DIAPH3: variants seen among roughly 807,000 people sequenced by gnomAD.
DIAPH3 encodes diaphanous related formin 3, also known as protein diaphanous homolog 3.
In DIAPH3, 117 loss-of-function variants were observed where a neutral mutation model predicts 144.3. The observed-to-expected ratio is 0.81, with a 90% CI of 0.70 to 0.95. The LOEUF is 0.95. DIAPH3 is among the 40% of genes least tolerant of loss of function. The pLI, the probability that DIAPH3 is intolerant of heterozygous loss-of-function variation, is 0.00. For missense variants in DIAPH3, 1,421 were observed against 1,412.7 expected (o/e 1.01, Z -0.09); for synonymous variants, 519 against 488.9 (o/e 1.06, Z -0.81).
Position 59,885,250 on chromosome 13 carries a change from T to C in DIAPH3, c.2368-5782A>G, listed in dbSNP as rs542383711. Among the ~76,000 whole-genome samples, 208 of 152,182 alleles carry C rather than the reference T, an allele frequency of 1.4e-3. 1 individual carries two copies. Among genetic ancestry groups the C allele is most frequent in the African/African-American group, 4.3e-3 (180 of 41,546 alleles). ...TCTTAACACATAAGTTTCATATCTCTTGAATTAAAAAGCTGGCATAAACCC... is the reference window on the plus strand; with the variant it reads ...TCTTAACACATAAGTTTCATATCTCCTGAATTAAAAAGCTGGCATAAACCC... On this transcript the variant is annotated intron_variant, in intron 20 of 27. Transcript: ENST00000400324.
intron 4 of DIAPH3, among the ~76,000 whole-genome samples, chr13:60,065,554 G>C (rs2056929590): frequency 6.6e-6 from 1 of 152,134 alleles, no homozygotes; most frequent in African/African-American, 2.4e-5. Context: ...GAATGAACAA[G>C]GGAGAGAGAG....
At chr13:59,865,293 T>C (rs563625375) in intron 21 of DIAPH3, among the ~76,000 whole-genome samples, 131 of 152,152 alleles carry the variant, frequency 8.6e-4, no homozygotes, top group Admixed American at 1.9e-3. Flanking sequence ...CCTACTCATA[T>C]CATACTCACT....
At chr13:59,773,270 T>TAAGGGGATG (rs2139270630) in intron 27 of DIAPH3, among the ~76,000 whole-genome samples, 1 of 152,290 alleles carries the variant, frequency 6.6e-6, no homozygotes. Flanking sequence ...CCACACCTAT[T>TAAGGGGATG]AAAAGATAAT....
intron 2 of DIAPH3, among the ~76,000 whole-genome samples, chr13:60,130,447 G>A (rs898771749): frequency 1.3e-5 from 2 of 152,174 alleles, no homozygotes; most frequent in Admixed American, 6.5e-5. Context: ...AGAGACAGAC[G>A]TGTACAATTA....
At chr13:59,916,299 G>T in intron 18 of DIAPH3, 50 bp from the exon 19 acceptor site, 1 of 1,363,834 alleles carries the variant, frequency 7.3e-7, no homozygotes, top group Non-Finnish European at 1.0e-6. Flanking sequence ...GTTTAAAAAA[G>T]TATTTCAGAT....
intron 27 of DIAPH3, among the ~76,000 whole-genome samples, chr13:59,763,175 T>G (rs1044228941): frequency 3.3e-5 from 5 of 152,172 alleles, no homozygotes; most frequent in Non-Finnish European, 7.3e-5. Flanking sequence ...ATCCAAGGGA[T>G]CCTTGTTTCC....
intron 20 of DIAPH3, among the ~76,000 whole-genome samples, chr13:59,903,227 T>C (rs185423255): frequency 1.3e-5 from 2 of 152,334 alleles, no homozygotes; most frequent in Admixed American, 1.3e-4. Flanking sequence ...GGAAACATGA[T>C]TGATTTTGTA....
chr13:60,038,936 A>T (rs2055431576), intron 5 of DIAPH3, among the ~76,000 whole-genome samples: 1 of 152,156 alleles, frequency 6.6e-6, no homozygotes, highest in Non-Finnish European at 1.5e-5. Context: ...AATGTATTCC[A>T]TAATTCAAAC....
At chr13:60,009,290 A>G (rs925928917) in intron 8 of DIAPH3, among the ~76,000 whole-genome samples, 2 of 152,218 alleles carry the variant, frequency 1.3e-5, no homozygotes, top group African/African-American at 4.8e-5. Flanking sequence ...GTTCGTGGAC[A>G]TGGGCATGCA....
At chr13:59,964,824 G>T (rs2049961301) in intron 17 of DIAPH3, among the ~76,000 whole-genome samples, 1 of 152,046 alleles carries the variant, frequency 6.6e-6, no homozygotes, top group African/African-American at 2.4e-5. Flanking sequence ...TGTCCCTAGA[G>T]AAATATTTCA....
chr13:60,118,470 G>A (rs2058753001), intron 2 of DIAPH3, among the ~76,000 whole-genome samples: 1 of 152,044 alleles, frequency 6.6e-6, no homozygotes, highest in Admixed American at 6.6e-5. Context: ...ACGAAATCCA[G>A]GAGAATTATT....
At chr13:59,914,679 CA>C (rs964149802) in intron 19 of DIAPH3, among the ~76,000 whole-genome samples, 1 of 152,058 alleles carries the variant, frequency 6.6e-6, no homozygotes, top group African/African-American at 2.4e-5. Context: ...TTGAGGAATG[CA>C]AGATTGCTGG....
intron 2 of DIAPH3, among the ~76,000 whole-genome samples, chr13:60,116,399 T>C (rs1005841490): frequency 5.3e-5 from 8 of 152,086 alleles, no homozygotes; most frequent in Admixed American, 3.3e-4. Flanking sequence ...TATCCCTATG[T>C]ACATTTGTAC....
chr13:59,767,487 GTT>G (rs35387510), intron 27 of DIAPH3, among the ~76,000 whole-genome samples: 1 of 146,348 alleles, frequency 6.8e-6, no homozygotes, highest in Non-Finnish European at 1.5e-5. Flanking sequence ...CCTTTTACCA[GTT>G]TTTTTTTTTA....
chr13:60,084,479 TAAAAAA>T (rs796614353), intron 4 of DIAPH3, among the ~76,000 whole-genome samples: 11 of 150,480 alleles, frequency 7.3e-5, no homozygotes, highest in African/African-American at 2.7e-4. Flanking sequence ...TAAATAAAAA[TAAAAAA>T]AAGAACTACT....
At chr13:60,116,707 GAAT>G (rs558887602) in intron 2 of DIAPH3, among the ~76,000 whole-genome samples, 81 of 151,984 alleles carry the variant, frequency 5.3e-4, no homozygotes, top group African/African-American at 1.7e-3. Context: ...CAATAAATGG[GAAT>G]AATAAGCTTA....
At chr13:59,871,673 G>T (rs1356757348) in intron 21 of DIAPH3, among the ~76,000 whole-genome samples, 1 of 152,148 alleles carries the variant, frequency 6.6e-6, no homozygotes, top group African/African-American at 2.4e-5. Context: ...CAGATTTAGA[G>T]AATTGAAATT....
At chr13:59,868,434 T>C (rs2044058592) in intron 21 of DIAPH3, among the ~76,000 whole-genome samples, 1 of 152,200 alleles carries the variant, frequency 6.6e-6, no homozygotes, top group Non-Finnish European at 1.5e-5. Flanking sequence ...AGAGCAATTT[T>C]AGCTTTACAG....
intron 1 of DIAPH3, among the ~76,000 whole-genome samples, chr13:60,136,968 C>T (rs1028071591): frequency 2.6e-5 from 4 of 151,950 alleles, no homozygotes; most frequent in Non-Finnish European, 5.9e-5. Context: ...AATAAATAAC[C>T]GTTCTGTCCA....
Sources: allele counts gnomAD v4.1 joint callset (sites outside exome capture counted in the v4.1 genomes callset), GRCh38; gene constraint gnomAD v4.1.1; transcripts MANE v1.5; gene names NCBI Gene and HGNC (gene_info 2026-07-23, HGNC 2026-07-21).